Variants in DCAF11 observed in about 807,000 individuals in gnomAD.
DCAF11 encodes the protein DDB1 and CUL4 associated factor 11, also known as DDB1- and CUL4-associated factor 11.
A neutral mutation model predicts 76.1 loss-of-function variants in DCAF11; 44 were observed. The ratio of observed to expected loss-of-function variants is 0.58; its 90% CI spans 0.45 to 0.74. DCAF11 has a LOEUF of 0.74. Ranked by LOEUF, DCAF11 falls within the 30% of genes least tolerant of loss-of-function variation. DCAF11 has a pLI of 0.00. For synonymous variants in DCAF11, 258 were observed against 255.0 expected (o/e 1.01, Z -0.11); for missense variants, 604 against 709.4 (o/e 0.85, Z 1.69).
chr14:24,115,786 A>G lies in DCAF11; in HGVS notation c.155+37A>G, dbSNP rs1457023018. ...TCTGGTGTGACCCCCAGCAGGTGCTACCACAGTGCCTTGATCCCAACTCCA... is the reference window on the plus strand; with the variant it reads ...TCTGGTGTGACCCCCAGCAGGTGCTGCCACAGTGCCTTGATCCCAACTCCA... On this transcript the variant is annotated intron_variant, in intron 2 of 14. Coordinates refer to ENST00000446197, the MANE Select transcript of DCAF11 (RefSeq NM_025230.5). 3 of 1,597,790 alleles carry G rather than the reference A, an allele frequency of 1.9e-6. No individual in the cohort carries two copies. In the Admixed American group the frequency reaches 5.2e-5, roughly 27 times the overall value.
At chr14:24,120,709 C>T in intron 11 of DCAF11, 129 bp from the exon 12 acceptor site, 3 of 1,194,594 alleles carry the variant, frequency 2.5e-6, no homozygotes, top group East Asian at 4.8e-5. Flanking sequence ...AATGAGTTCA[C>T]CTGGATGAAG....
At chr14:24,118,310 C>T (rs973439664) in intron 6 of DCAF11, 78 bp from the exon 7 acceptor site, 43 of 1,602,782 alleles carry the variant, frequency 2.7e-5, no homozygotes, top group Non-Finnish European at 3.4e-5. Context: ...TCCACAGGTA[C>T]ACTGAGTGGG....
chr14:24,115,829 G>A (rs2037541271), intron 2 of DCAF11, 80 bp downstream of exon 2: 2 of 1,532,688 alleles, frequency 1.3e-6, no homozygotes, highest in Admixed American at 3.8e-5. Context: ...AAATTACAGA[G>A]GTTAGGAAAT....
intron 9 of DCAF11, 94 bp downstream of exon 9, chr14:24,119,307 A>G (rs2037645837): frequency 7.3e-6 from 11 of 1,505,888 alleles, no homozygotes; most frequent in Non-Finnish European, 1.0e-5. Context: ...TGGCAGCTGC[A>G]GAGAACAACC....
In DCAF11 at chr14:24,119,461, C is replaced by T; in HGVS notation, c.849-98C>T. 6.8e-6 allele frequency: 10 copies of T among 1,481,386 alleles called. No homozygotes were observed. The South Asian group carries it at 8.0e-5, about 12-fold the overall frequency. The allele number at this position is 1,481,386 out of a possible 1,614,324, so 91.8% of individuals were successfully genotyped here. ...TGTATAAAAAGAGCAAAGGGCTTGA[C>T]CCAGAGCAGGATTTCTCAGTGGAAC... On this transcript the variant is annotated intron_variant, in intron 9 of 14. Coordinates refer to ENST00000446197, the MANE Select transcript of DCAF11 (RefSeq NM_025230.5).
intron 9 of DCAF11, 123 bp downstream of exon 9, chr14:24,119,336 A>T: frequency 7.4e-7 from 1 of 1,358,522 alleles, no homozygotes; most frequent in Non-Finnish European, 1.0e-6. Flanking sequence ...TCCCAAGGTC[A>T]GGATTTACAA....
chr14:24,121,793 T>A (rs961866077), intron 13 of DCAF11: 6 of 374,718 alleles, frequency 1.6e-5, no homozygotes, highest in Non-Finnish European at 2.4e-5. Flanking sequence ...AGGTTGCAGA[T>A]GAAAGGTAGG....
At chr14:24,118,942 C>T (rs1295610749) in intron 8 of DCAF11, 138 bp downstream of exon 8, 5 of 1,168,132 alleles carry the variant, frequency 4.3e-6, no homozygotes, top group Non-Finnish European at 6.2e-6. Flanking sequence ...GGGAGGGAAG[C>T]ACCATCTTGT....
At chr14:24,115,811 A>G (rs1412378296) in intron 2 of DCAF11, 62 bp downstream of exon 2, 1 of 1,562,040 alleles carries the variant, frequency 6.4e-7, no homozygotes, top group African/African-American at 1.4e-5. Context: ...TCCCAACTCC[A>G]GGCAGGAAAA....
Position 24,120,823 on chromosome 14 carries a change from C to T in DCAF11, c.1093-15C>T, listed in dbSNP as rs762137941. On this transcript the variant is annotated splice_polypyrimidine_tract_variant and intron_variant, in intron 11 of 14. Coordinates refer to ENST00000446197, the MANE Select transcript of DCAF11 (RefSeq NM_025230.5). ...GCAAGCTCTGATGCTTCACTATCCA[C>T]CTTTGGATTCATAGGGTGATGCCCG... The T allele has an allele frequency of 4.3e-6, 7 of 1,613,994 alleles. No homozygotes were observed. In the South Asian group the frequency reaches 7.7e-5, roughly 18 times the overall value.
rs781157092 is a variant in DCAF11, at chr14:24,119,826, G to A, written c.1022G>A (p.Arg341Gln). Residue 341 changes from arginine to glutamine, a missense_variant, in exon 11 of 15, where the codon CGG becomes CAG. Coordinates refer to ENST00000446197, the MANE Select transcript of DCAF11 (RefSeq NM_025230.5). ...ICKVWDRRTMREDDPKPVGAL... is the reference protein window; with the variant it reads ...ICKVWDRRTMQEDDPKPVGAL... ...AAAGTGTGGGATCGACGCACCATGC[G>A]GGAGGATGACCCCAAGCCTGTGGGT... 7.4e-6 allele frequency: 12 copies of A among 1,614,072 alleles called. No individual in the cohort carries two copies. Among genetic ancestry groups the A allele is most frequent in the Admixed American group, 1.7e-5 (1 of 60,008 alleles).
At chr14:24,121,223 A>C (rs2037684489) in intron 12 of DCAF11, 142 bp from the exon 13 acceptor site, 8 of 1,216,042 alleles carry the variant, frequency 6.6e-6, no homozygotes, top group East Asian at 4.7e-5. Flanking sequence ...CTGTCCACTG[A>C]CTATTAGGTG....
chr14:24,118,265 T>TA, intron 6 of DCAF11, 110 bp downstream of exon 6: 1 of 1,572,638 alleles, frequency 6.4e-7, no homozygotes, highest in East Asian at 2.2e-5. Flanking sequence ...TAAGGATGCT[T>TA]AGCCAGACCA....
rs1260708600 is a variant in DCAF11, at chr14:24,115,298, G to C, written c.-214+5G>C. 1 of 267,646 alleles carries C rather than the reference G, an allele frequency of 3.7e-6. No homozygotes were observed. The highest frequency in any genetic ancestry group is 2.2e-5 in the African/African-American group (1 of 45,134). The allele number at this position is 267,646 out of a possible 1,614,324, so 16.6% of individuals were successfully genotyped here. A position where few individuals can be genotyped will look rare whatever the true frequency, so the allele number is the denominator to read the frequency against. Reference sequence around the variant, plus strand: ...CCAGTCCGGGGACTTCGATAGGTGAGTTTGGTGTAGAAAACAAATCTTTCT... The same window carrying C: ...CCAGTCCGGGGACTTCGATAGGTGACTTTGGTGTAGAAAACAAATCTTTCT... On this transcript the variant is annotated splice_donor_5th_base_variant and intron_variant, in intron 1 of 14. Transcript: ENST00000446197.
rs2037739465 is a variant in DCAF11, at chr14:24,124,065, T to G, written c.*756T>G. On this transcript the variant is annotated 3_prime_UTR_variant, in exon 15 of 15. Transcript: ENST00000446197. ...TGTCTCTCTCTCTCACTCTCTGTTT[T>G]TCCTATCTGAGGTCTTTCATCTCCT... The G allele has an allele frequency of 6.6e-6, 1 of 152,258 alleles. No individual in the cohort carries two copies. Among genetic ancestry groups the G allele is most frequent in the Admixed American group, 6.5e-5 (1 of 15,282 alleles). The allele number at this position is 152,258 out of a possible 1,614,324, so 9.4% of individuals were successfully genotyped here. A position where few individuals can be genotyped will look rare whatever the true frequency, so the allele number is the denominator to read the frequency against.
At chr14:24,118,651 C>A in intron 7 of DCAF11, 99 bp from the exon 8 acceptor site, 1 of 1,590,850 alleles carries the variant, frequency 6.3e-7, no homozygotes, top group Non-Finnish European at 8.6e-7. Flanking sequence ...TCCCAAAGTG[C>A]TCCAGTACCC....
At position 24,118,410 on chromosome 14, in the gene DCAF11, C is replaced by T. The variant is rs763340668; in HGVS notation, c.600C>T (p.Asp200=). ...ACQDQTIRLY[D]CRYGRFRKFK... ...CAGACCAGACAATCCGACTCTATGA[C>T]TGCCGATATGGCCGTTTCCGTAAAT... Residue 200 remains aspartate, a synonymous_variant, in exon 7 of 15, where the codon GAC becomes GAT. Transcript: ENST00000446197. The T allele has an allele frequency of 1.2e-6, 2 of 1,614,246 alleles. No homozygotes were observed. Among genetic ancestry groups the T allele is most frequent in the Non-Finnish European group, 1.7e-6 (2 of 1,180,044 alleles).
chr14:24,119,250 G>A lies in DCAF11; in HGVS notation c.848+37G>A, dbSNP rs1176917238. ...TGGGGTATGTTTCCCTCAATAACAA[G>A]ATGGGGGTTCTGCCAGAGATGAGTT... On this transcript the variant is annotated intron_variant, in intron 9 of 14. Coordinates refer to ENST00000446197, the MANE Select transcript of DCAF11 (RefSeq NM_025230.5). The A allele has an allele frequency of 5.0e-6, 8 of 1,612,244 alleles. No homozygotes were observed. In the South Asian group the frequency reaches 8.8e-5, roughly 18 times the overall value.
rs1172576463 is a variant in DCAF11, at chr14:24,117,138, A to C, written c.283+94A>C. 3.1e-6 allele frequency: 5 copies of C among 1,608,292 alleles called. No homozygotes were observed. Among genetic ancestry groups the C allele is most frequent in the Non-Finnish European group, 4.2e-6 (5 of 1,176,516 alleles). On this transcript the variant is annotated intron_variant, in intron 3 of 14. Coordinates refer to ENST00000446197, the MANE Select transcript of DCAF11 (RefSeq NM_025230.5). The surrounding 1 kb of genome is among the most constrained non-coding windows in gnomAD (Gnocchi z 4.3). ...AGGTTACATTGAAAGAAGGTACGAT[A>C]ATTTAAGGAATAAGGAGTCCTTACA...
Sources: allele counts gnomAD v4.1 joint callset, GRCh38; gene constraint gnomAD v4.1.1; non-coding constraint Gnocchi (gnomAD v3.1); transcripts MANE v1.5; gene names NCBI Gene and HGNC (gene_info 2026-07-23, HGNC 2026-07-21).